The following DCDC2 variants were observed in gnomAD, a reference collection of about 807,000 sequenced individuals.
DCDC2 encodes doublecortin domain containing 2, also known as doublecortin domain-containing protein 2.
DCDC2 carries 40 observed loss-of-function variants against 50.2 expected under a neutral mutation model. That is an observed-to-expected ratio of 0.80 (90% CI 0.62 to 1.04). The LOEUF (loss-of-function observed/expected upper bound fraction) is 1.04. Ranked by LOEUF, DCDC2 falls within the 50% of genes least tolerant of loss-of-function variation. DCDC2 has a pLI of 0.00. For missense variants in DCDC2, 570 were observed against 581.9 expected (o/e 0.98, Z 0.21); for synonymous variants, 234 against 210.6 (o/e 1.11, Z -0.96).
intron 9 of DCDC2, among the ~76,000 whole-genome samples, chr6:24,175,842 T>TA (rs1319288635): frequency 6.6e-6 from 1 of 152,212 alleles, no homozygotes; most frequent in African/African-American, 2.4e-5. Context: ...ATTTTTAACT[T>TA]ACAATTCACA....
chr6:24,382,891 A>C, the DCDC2 span, among the ~76,000 whole-genome samples: 1 of 152,210 alleles, frequency 6.6e-6, no homozygotes, highest in Non-Finnish European at 1.5e-5. Flanking sequence ...TTTAGTCAGT[A>C]ACTTTCATGG....
At chr6:24,380,820 G>A in the DCDC2 span, among the ~76,000 whole-genome samples, 1 of 152,206 alleles carries the variant, frequency 6.6e-6, no homozygotes, top group Non-Finnish European at 1.5e-5. Context: ...TAGTCCGAGT[G>A]CAGTAGCTCA....
chr6:24,256,392 A>C (rs531177748), intron 7 of DCDC2, among the ~76,000 whole-genome samples: 3 of 152,176 alleles, frequency 2.0e-5, no homozygotes, highest in Non-Finnish European at 2.9e-5. Context: ...TATCAACAAA[A>C]AGCTCATTTT....
chr6:24,247,892 T>G (rs368611022), intron 7 of DCDC2, among the ~76,000 whole-genome samples: 2 of 152,156 alleles, frequency 1.3e-5, no homozygotes, highest in Admixed American at 1.3e-4. Context: ...CTGGCCAACA[T>G]GGTGAAACCC....
intron 8 of DCDC2, among the ~76,000 whole-genome samples, chr6:24,182,543 T>C (rs1417396755): frequency 1.4e-5 from 2 of 145,338 alleles, no homozygotes; most frequent in Non-Finnish European, 3.0e-5. Flanking sequence ...AATAATCACA[T>C]GAAAAGATTG....
chr6:24,186,102 A>G (rs1323946640), intron 8 of DCDC2, among the ~76,000 whole-genome samples: 2 of 152,208 alleles, frequency 1.3e-5, no homozygotes, highest in Non-Finnish European at 2.9e-5. Flanking sequence ...GTTGTTTCCA[A>G]ACTGCTAGCT....
chr6:24,272,487 A>C (rs1293260471), intron 7 of DCDC2, among the ~76,000 whole-genome samples: 2 of 152,180 alleles, frequency 1.3e-5, no homozygotes, highest in Non-Finnish European at 2.9e-5. Context: ...TGATTCCAGA[A>C]TTTACAAGGA....
intron 1 of DCDC2, among the ~76,000 whole-genome samples, chr6:24,356,602 C>G (rs1420209129): frequency 6.6e-6 from 1 of 151,474 alleles, no homozygotes; most frequent in Non-Finnish European, 1.5e-5. Context: ...CTATAATGAC[C>G]ACCCCAACCA....
chr6:24,233,462 C>G (rs979744751), intron 7 of DCDC2, among the ~76,000 whole-genome samples: 1 of 152,176 alleles, frequency 6.6e-6, no homozygotes, highest in Non-Finnish European at 1.5e-5. Flanking sequence ...ACATTATCGT[C>G]ATCCCCCAAT....
intron 7 of DCDC2, among the ~76,000 whole-genome samples, chr6:24,213,422 A>C (rs1399910341): frequency 6.6e-6 from 1 of 152,174 alleles, no homozygotes; most frequent in African/African-American, 2.4e-5. Flanking sequence ...GGGAACAAGG[A>C]GTTTATGACA....
intron 2 of DCDC2, among the ~76,000 whole-genome samples, chr6:24,308,180 T>C (rs1408935794): frequency 6.6e-6 from 1 of 152,198 alleles, no homozygotes; most frequent in Non-Finnish European, 1.5e-5. Flanking sequence ...AGGAATCCCA[T>C]AGTGTGGAAA....
At chr6:24,197,159 C>T (rs1715847631) in intron 8 of DCDC2, among the ~76,000 whole-genome samples, 1 of 152,134 alleles carries the variant, frequency 6.6e-6, no homozygotes, top group Non-Finnish European at 1.5e-5. Context: ...TCAGTATCTC[C>T]TGCATACCTG....
chr6:24,371,675 G>C, the DCDC2 span, among the ~76,000 whole-genome samples: 1 of 152,188 alleles, frequency 6.6e-6, no homozygotes, highest in Non-Finnish European at 1.5e-5. Context: ...ACTACCATCA[G>C]AGTGAACAGG....
intron 7 of DCDC2, among the ~76,000 whole-genome samples, chr6:24,233,325 T>C (rs1010059260): frequency 6.6e-6 from 1 of 152,228 alleles, no homozygotes; most frequent in Non-Finnish European, 1.5e-5. Context: ...ATTCATATTA[T>C]GTGGCGTGGT....
chr6:24,327,764 C>T (rs189151002), intron 2 of DCDC2, among the ~76,000 whole-genome samples: 11 of 152,130 alleles, frequency 7.2e-5, no homozygotes, highest in Admixed American at 5.2e-4. Flanking sequence ...TGTGAGCCAC[C>T]GCGCCTGGCA....
intron 2 of DCDC2, among the ~76,000 whole-genome samples, chr6:24,329,883 T>C (rs1159858525): frequency 1.3e-5 from 2 of 152,208 alleles, no homozygotes; most frequent in Admixed American, 6.5e-5. Flanking sequence ...TTCCATTGAA[T>C]TGTAATACTT....
chr6:24,204,005 T>C (rs1761648990), intron 8 of DCDC2, among the ~76,000 whole-genome samples: 1 of 152,140 alleles, frequency 6.6e-6, no homozygotes, highest in South Asian at 2.1e-4. Flanking sequence ...CTGGAGAGGA[T>C]GTGGAGAAAT....
At chr6:24,222,697 TTATG>T (rs1359547448) in intron 7 of DCDC2, among the ~76,000 whole-genome samples, 5 of 152,204 alleles carry the variant, frequency 3.3e-5, no homozygotes, top group Non-Finnish European at 5.9e-5. Flanking sequence ...TTCCTAAAGC[TTATG>T]TATATTATTT....
chr6:24,187,320 C>T (rs566449379), intron 8 of DCDC2, among the ~76,000 whole-genome samples: 5 of 152,202 alleles, frequency 3.3e-5, no homozygotes, highest in African/African-American at 1.2e-4. Context: ...CCCTGGGCCA[C>T]GGGCGGTGCC....
Sources: allele counts gnomAD v4.1 joint callset (sites outside exome capture counted in the v4.1 genomes callset), GRCh38; gene constraint gnomAD v4.1.1; transcripts MANE v1.5; gene names NCBI Gene and HGNC (gene_info 2026-07-23, HGNC 2026-07-21).